Variants in TATDN1 observed in about 807,000 individuals in gnomAD.
TATDN1 encodes deoxyribonuclease TATDN1.
A neutral mutation model predicts 46.4 loss-of-function variants in TATDN1; 40 were observed. The ratio of observed to expected loss-of-function variants is 0.86; its 90% CI spans 0.67 to 1.12. The LOEUF (loss-of-function observed/expected upper bound fraction) is 1.12. TATDN1 is among the 50% of genes most tolerant of loss of function. The pLI, the probability that TATDN1 is intolerant of heterozygous loss-of-function variation, is 0.00. For missense variants in TATDN1, 326 were observed against 348.4 expected (o/e 0.94, Z 0.51); for synonymous variants, 95 against 105.6 (o/e 0.90, Z 0.62).
Position 124,530,758 on chromosome 8 carries a change from T to G in TATDN1, c.23-7756A>C, listed in dbSNP as rs117839352. Among the ~76,000 whole-genome samples, 287 of 152,260 alleles carry G rather than the reference T, an allele frequency of 1.9e-3. 4 individuals are homozygous for G. In the East Asian group the frequency reaches 0.044, roughly 23 times the overall value. On this transcript the variant is annotated intron_variant, in intron 1 of 11. Coordinates refer to ENST00000276692, the MANE Select transcript of TATDN1 (RefSeq NM_032026.4). Reference sequence around the variant, plus strand: ...TCTAGCAGAAAGGCATGGAACAAATTCTATTAGTTTAGATAGAGGCAAATT... The same window carrying G: ...TCTAGCAGAAAGGCATGGAACAAATGCTATTAGTTTAGATAGAGGCAAATT...
At chr8:124,503,499 A>G (rs1266854705) in intron 9 of TATDN1, among the ~76,000 whole-genome samples, 1 of 152,246 alleles carries the variant, frequency 6.6e-6, no homozygotes, top group African/African-American at 2.4e-5. Context: ...TTAGACATTT[A>G]AACTCTGAAC....
At chr8:124,532,064 G>A (rs1821008063) in intron 1 of TATDN1, among the ~76,000 whole-genome samples, 1 of 152,048 alleles carries the variant, frequency 6.6e-6, no homozygotes, top group Admixed American at 6.6e-5. Context: ...AGGGGAGCAA[G>A]GAAGAAGGAA....
intron 3 of TATDN1, chr8:124,521,628 T>G (rs1014688456): frequency 1.3e-5 from 2 of 152,350 alleles, no homozygotes; most frequent in Non-Finnish European, 1.5e-5. Flanking sequence ...TATTTCTTAG[T>G]GTATGTGTGG....
At chr8:124,503,826 G>T in intron 9 of TATDN1, 1 of 1,028,914 alleles carries the variant, frequency 9.7e-7, no homozygotes, top group Non-Finnish European at 1.3e-6. Context: ...CTCATACTTG[G>T]AGAAACTCTA....
At chr8:124,525,992 T>C (rs1018403496) in intron 1 of TATDN1, among the ~76,000 whole-genome samples, 2 of 152,228 alleles carry the variant, frequency 1.3e-5, no homozygotes, top group Non-Finnish European at 2.9e-5. Context: ...CAGTCCAAGC[T>C]CACTCCCCTT....
intron 2 of TATDN1, among the ~76,000 whole-genome samples, chr8:124,522,424 CT>C (rs1174519265): frequency 1.3e-5 from 2 of 151,270 alleles, no homozygotes; most frequent in South Asian, 2.1e-4. Flanking sequence ...ATAATGAGTT[CT>C]TTTTTTTTGA....
chr8:124,498,743 C>A (rs1207001070), intron 9 of TATDN1, among the ~76,000 whole-genome samples: 1 of 152,126 alleles, frequency 6.6e-6, no homozygotes, highest in East Asian at 1.9e-4. Context: ...CTCTGCCTCC[C>A]GGGTTCACAC....
chr8:124,534,073 G>A (rs1821210569), intron 1 of TATDN1, among the ~76,000 whole-genome samples: 2 of 146,592 alleles, frequency 1.4e-5, no homozygotes, highest in African/African-American at 2.5e-5. Flanking sequence ...GTGAACCTGG[G>A]AGGCGGAGCT....
At chr8:124,506,715 G>A (rs1170068669) in intron 8 of TATDN1, among the ~76,000 whole-genome samples, 1 of 152,158 alleles carries the variant, frequency 6.6e-6, no homozygotes, top group African/African-American at 2.4e-5. Context: ...TTCCTTAGCA[G>A]GCATAGTGTA....
chr8:124,514,885 A>G (rs1056829290), intron 6 of TATDN1, among the ~76,000 whole-genome samples: 1 of 152,180 alleles, frequency 6.6e-6, no homozygotes, highest in African/African-American at 2.4e-5. Context: ...AGCAATATTC[A>G]ATGCCCAGCA....
At chr8:124,504,424 T>C (rs1818227561) in intron 8 of TATDN1, 77 bp from the exon 9 acceptor site, 1 of 983,026 alleles carries the variant, frequency 1.0e-6, no homozygotes, top group South Asian at 2.4e-5. Flanking sequence ...TAAGACTTTG[T>C]AGGCAAAAAT....
intron 2 of TATDN1, 79 bp downstream of exon 2, chr8:124,522,858 A>G: frequency 8.1e-7 from 1 of 1,238,078 alleles, no homozygotes; most frequent in Non-Finnish European, 1.2e-6. Context: ...CTCAGCTTGA[A>G]TTATGCTTTT....
intron 4 of TATDN1, among the ~76,000 whole-genome samples, chr8:124,517,231 CAGCCTGACCAACATGGTGA>C (rs2131486123): frequency 6.6e-6 from 1 of 152,072 alleles, no homozygotes; most frequent in South Asian, 2.1e-4. Flanking sequence ...AGTTCAAGAC[CAGCCTGACCAACATGGTGA>C]AACCCCGTCT....
chr8:124,525,887 A>G (rs1303399845), intron 1 of TATDN1, among the ~76,000 whole-genome samples: 1 of 152,220 alleles, frequency 6.6e-6, no homozygotes, highest in Admixed American at 6.5e-5. Flanking sequence ...GTTCTTATCT[A>G]TGTTAAGGGA....
At position 124,502,319 on chromosome 8, in the gene TATDN1, C is replaced by T. The variant is rs150687730; in HGVS notation, c.593+1952G>A. Among the ~76,000 whole-genome samples, 615 of 142,714 alleles carry T rather than the reference C, an allele frequency of 4.3e-3. 8 individuals carry two copies. The highest frequency in any genetic ancestry group is 0.015 in the African/African-American group (576 of 38,068). The allele number at this position is 142,714 out of a possible 152,430, so 93.6% of individuals were successfully genotyped here. ...TCGCGCCACTGCACTCCAGCCTGGGCGACTGAGTGAGAGTCCCTCTCAAAA... is the reference window on the plus strand; with the variant it reads ...TCGCGCCACTGCACTCCAGCCTGGGTGACTGAGTGAGAGTCCCTCTCAAAA... On this transcript the variant is annotated intron_variant, in intron 9 of 11. Coordinates refer to ENST00000276692, the MANE Select transcript of TATDN1 (RefSeq NM_032026.4).
chr8:124,520,392 G>C (rs540842837), intron 3 of TATDN1, among the ~76,000 whole-genome samples: 2 of 149,550 alleles, frequency 1.3e-5, no homozygotes, highest in African/African-American at 2.5e-5. Context: ...AGCCGAGATC[G>C]TGCCACTGCA....
At chr8:124,522,881 A>G in intron 2 of TATDN1, 56 bp downstream of exon 2, 1 of 1,439,810 alleles carries the variant, frequency 6.9e-7, no homozygotes. Flanking sequence ...AGATCTCCTG[A>G]GGCAGAAAAT....
At chr8:124,508,335 A>G (rs1408306365) in intron 8 of TATDN1, 139 bp downstream of exon 8, 1 of 668,072 alleles carries the variant, frequency 1.5e-6, no homozygotes, top group African/African-American at 1.8e-5. Context: ...ACAATGAATA[A>G]TCAGAAAGCA....
chr8:124,534,478 T>A (rs1234496601), intron 1 of TATDN1, among the ~76,000 whole-genome samples: 1 of 152,148 alleles, frequency 6.6e-6, no homozygotes, highest in Non-Finnish European at 1.5e-5. Flanking sequence ...ATACTCTGAA[T>A]TTTTTGTTTG....
Sources: gnomAD v4.1 joint callset for allele counts (sites outside exome capture counted in the v4.1 genomes callset) on GRCh38, gnomAD v4.1.1 for gene constraint, MANE v1.5 for transcripts, NCBI Gene and HGNC (gene_info 2026-07-23, HGNC 2026-07-21) for gene names.